MAD2L1BP: variants seen among roughly 807,000 people sequenced by gnomAD.
MAD2L1BP encodes MAD2L1-binding protein.
Under a neutral mutation model 28.4 loss-of-function variants are expected in MAD2L1BP, and 22 were observed. The ratio of observed to expected loss-of-function variants is 0.77; its 90% confidence interval spans 0.55 to 1.10. MAD2L1BP has a LOEUF of 1.10. MAD2L1BP is among the 50% of genes least tolerant of loss of function. MAD2L1BP has a pLI of 0.00. For synonymous variants in MAD2L1BP, 146 were observed against 133.7 expected (o/e 1.09, Z -0.63); for missense variants, 325 against 350.5 (o/e 0.93, Z 0.58).
At chr6:43,629,584 A>G in exon 1 of MAD2L1BP, 3 of 729,268 alleles carry the variant, frequency 4.1e-6, no homozygotes, top group Non-Finnish European at 7.3e-6. Context: ...ACGCGAGGAC[A>G]CCAGCGTAGA....
Position 43,640,162 on chromosome 6 carries a change from A to AT in MAD2L1BP, c.456dup (p.Leu153SerfsTer14). On this transcript the variant is annotated frameshift_variant, in exon 3 of 3. Transcript: ENST00000372171. LOFTEE classifies it high-confidence loss of function. Reference sequence around the variant, plus strand: ...ACGGACACTAGTACCGCGAGTGCTGATTCTCCTTGGGGGCAATGCCCTAAG... The same window carrying AT: ...ACGGACACTAGTACCGCGAGTGCTGATTTCTCCTTGGGGGCAATGCCCTAAG... 6.2e-7 allele frequency: 1 copy of AT among 1,613,020 alleles called. No individual in the cohort carries two copies. Among genetic ancestry groups the AT allele is most frequent in the East Asian group, 2.2e-5 (1 of 44,848 alleles).
Position 43,640,081 on chromosome 6 carries a change from C to T in MAD2L1BP, c.373C>T (p.Gln125Ter). The change falls in exon 3 of 3, where the codon CAA becomes TAA. Residue 125 changes from glutamine (Q) to a stop codon, truncating the protein, a stop_gained. Transcript: ENST00000372171. LOFTEE classifies it high-confidence loss of function. ...ATTEVSSRKC[Q>*]QALAELESVL... ...CACTGAGGTGAGCAGCAGGAAATGC[C>T]AACAAGCCCTGGCAGAACTGGAGAG... 1.3e-6 allele frequency: 2 copies of T among 1,585,874 alleles called. No homozygotes were observed. The highest frequency in any genetic ancestry group is 2.3e-5 in the East Asian group (1 of 44,314).
rs770519062 is a variant in MAD2L1BP, at chr6:43,640,316, T to C, written c.608T>C (p.Leu203Pro). The C allele has an allele frequency of 1.9e-6, 3 of 1,613,478 alleles. No homozygotes were observed. In the Admixed American group the frequency reaches 5.0e-5, roughly 27 times the overall value. The change falls in exon 3 of 3, where the codon CTT becomes CCT. Residue 203 changes from leucine (L) to proline (P), a missense_variant. Coordinates refer to ENST00000372171, the MANE Select transcript of MAD2L1BP (RefSeq NM_014628.3). The part of the protein sequence containing the change: ...AIFMADAFSE[L>P]QAPPLMGTVV... ...TTCATGGCTGATGCCTTTAGCGAGC[T>C]TCAGGCTCCTCCACTCATGGGCACC... is the stretch of plus-strand genomic sequence containing the variant.
rs779247725 is a variant in MAD2L1BP, at chr6:43,636,516, C to T, written c.182C>T (p.Pro61Leu). The T allele has an allele frequency of 6.2e-6, 10 of 1,614,186 alleles. No individual in the cohort carries two copies. The South Asian group carries it at 1.1e-4, about 18-fold the overall frequency. The stretch of plus-strand genomic sequence containing the variant: ...GACTGCATGGTACCAGTGGTGTTTC[C>T]TGGGCCTGTGAGCCAGGAAGGCTGC... ...PRDCMVPVVF[P>L]GPVSQEGCCQ... Residue 61 changes from proline to leucine, a missense_variant, in exon 2 of 3, where the codon CCT (proline) becomes CTT (leucine). Pro to Leu is a moderately conservative substitution (Grantham distance 98). Transcript: ENST00000372171.
Position 43,640,354 on chromosome 6 carries a change from CA to C in MAD2L1BP, c.647del (p.Gln216ArgfsTer26). The C allele has an allele frequency of 3.1e-6, 5 of 1,613,966 alleles. No individual in the cohort carries two copies. The highest frequency in any genetic ancestry group is 4.2e-6 in the Non-Finnish European group (5 of 1,180,002). On this transcript the variant is annotated frameshift_variant, in exon 3 of 3. Transcript: ENST00000372171. LOFTEE classifies it high-confidence loss of function. ...PPLMGTVVMA[Q>X]GHRNCGEDWF... ...ACTCATGGGCACCGTCGTCATGGCA[CA>C]GGGACACCGCAACTGTGGAGAAGAT... is the stretch of plus-strand genomic sequence containing the variant.
upstream of MAD2L1BP, among the ~76,000 whole-genome samples, chr6:43,632,836 C>G (rs1237288464): frequency 6.6e-6 from 1 of 151,762 alleles, no homozygotes; most frequent in South Asian, 2.1e-4. Flanking sequence ...GCTTGGCCAA[C>G]ATGGTGAAAC....
upstream of MAD2L1BP, chr6:43,635,786 C>A: frequency 7.4e-7 from 1 of 1,346,000 alleles, no homozygotes; most frequent in Non-Finnish European, 9.8e-7. Context: ...TTTTCCGACC[C>A]AACTGAGCCG....
At chr6:43,634,077 T>G (rs1406737876), upstream of MAD2L1BP, among the ~76,000 whole-genome samples, 2 of 152,090 alleles carry the variant, frequency 1.3e-5, no homozygotes, top group Non-Finnish European at 2.9e-5. Flanking sequence ...CCTAAATATC[T>G]CTATTCATTA....
upstream of MAD2L1BP, chr6:43,635,738 C>T: frequency 1.3e-6 from 1 of 789,538 alleles, no homozygotes; most frequent in Non-Finnish European, 1.9e-6. Flanking sequence ...ATCCCAGCTC[C>T]ACTTAACCTC....
At chr6:43,636,279 T>C (rs941943499) in intron 1 of MAD2L1BP, 102 bp from the exon 2 acceptor site, 13 of 1,252,646 alleles carry the variant, frequency 1.0e-5, no homozygotes, top group Non-Finnish European at 1.5e-5. Context: ...TCGGAGTGCC[T>C]GCTTTTTCAG....
At chr6:43,638,134 G>C (rs1770353364) in intron 2 of MAD2L1BP, among the ~76,000 whole-genome samples, 1 of 152,046 alleles carries the variant, frequency 6.6e-6, no homozygotes, top group South Asian at 2.1e-4. Flanking sequence ...CTGACCTCAA[G>C]TGATCCGCCC....
chr6:43,635,981 C>A, intron 1 of MAD2L1BP, 60 bp downstream of exon 1: 1 of 1,478,634 alleles, frequency 6.8e-7, no homozygotes, highest in Non-Finnish European at 9.2e-7. Context: ...CCTACCGCCG[C>A]GCCATCCATT....
upstream of MAD2L1BP, among the ~76,000 whole-genome samples, chr6:43,635,515 C>G (rs1166786093): frequency 6.6e-6 from 1 of 152,234 alleles, no homozygotes; most frequent in Non-Finnish European, 1.5e-5. Flanking sequence ...ACGGGGCCCG[C>G]GCCTGGCTTG....
intron 2 of MAD2L1BP, among the ~76,000 whole-genome samples, chr6:43,638,672 T>C (rs1357140604): frequency 6.6e-6 from 1 of 151,674 alleles, no homozygotes; most frequent in African/African-American, 2.4e-5. Context: ...GGTGGGCGCC[T>C]GTAGTCCCAG....
upstream of MAD2L1BP, among the ~76,000 whole-genome samples, chr6:43,631,291 C>T (rs1157194847): frequency 6.6e-6 from 1 of 152,086 alleles, no homozygotes; most frequent in Non-Finnish European, 1.5e-5. Flanking sequence ...CACAGGCCTA[C>T]TAGGGAAACT....
chr6:43,639,795 G>A (rs886751709), intron 2 of MAD2L1BP, among the ~76,000 whole-genome samples: 5 of 152,200 alleles, frequency 3.3e-5, no homozygotes, highest in Non-Finnish European at 7.3e-5. Flanking sequence ...TCAGAACACT[G>A]TGTTTGCTGT....
At chr6:43,635,812 G>A (rs1770174103), upstream of MAD2L1BP, 1 of 1,423,082 alleles carries the variant, frequency 7.0e-7, no homozygotes, top group Non-Finnish European at 9.2e-7. Flanking sequence ...GGAGGCGCGG[G>A]CTTCCCATGA....
Position 43,635,886 on chromosome 6 carries a change from C to T in MAD2L1BP, c.11C>T (p.Pro4Leu), listed in dbSNP as rs1281867045. MAAPEAEVLSSAAV... is the reference protein window; with the variant it reads MAALEAEVLSSAAV... ...GGAGGGGAGGTCGTGATGGCGGCGC[C>T]GGAGGCGGAGGTTCTGTCCTCAGCC... Residue 4 changes from proline to leucine, a missense_variant, in exon 1 of 3, where the codon CCG becomes CTG. Transcript: ENST00000372171. The T allele has an allele frequency of 1.4e-6, 2 of 1,479,222 alleles. No individual in the cohort carries two copies. Among genetic ancestry groups the T allele is most frequent in the Admixed American group, 3.0e-5 (1 of 33,124 alleles). 91.6% of individuals were successfully genotyped at this position (1,479,222 alleles called of 1,614,324 possible).
chr6:43,632,242 A>ATGAT (rs1769963718), upstream of MAD2L1BP, among the ~76,000 whole-genome samples: 1 of 146,628 alleles, frequency 6.8e-6, no homozygotes, highest in Non-Finnish European at 1.5e-5. Flanking sequence ...AAGAGAGAAA[A>ATGAT]TGATTGATTG....
Sources: allele counts gnomAD v4.1 joint callset (sites outside exome capture counted in the v4.1 genomes callset), GRCh38; gene constraint gnomAD v4.1.1; transcripts MANE v1.5; gene names NCBI Gene and HGNC (gene_info 2026-07-23, HGNC 2026-07-21).